The following PLXDC2 variants were observed in gnomAD, a reference collection of about 807,000 sequenced individuals.
PLXDC2 encodes plexin domain-containing protein 2.
In PLXDC2, 40 loss-of-function variants were observed where a neutral mutation model predicts 68.9. The ratio of observed to expected loss-of-function variants is 0.58; its 90% CI spans 0.45 to 0.76. The LOEUF is 0.76. Among genes scored for constraint, PLXDC2 ranks in the 30% least tolerant of loss-of-function variants. The pLI, the probability that PLXDC2 is intolerant of heterozygous loss-of-function variation, is 0.00. For missense variants in PLXDC2, 644 were observed against 661.9 expected (o/e 0.97, Z 0.30); for synonymous variants, 243 against 234.2 (o/e 1.04, Z -0.34).
At chr10:19,852,027 T>C (rs564495023) in intron 1 of PLXDC2, among the ~76,000 whole-genome samples, 1 of 152,120 alleles carries the variant, frequency 6.6e-6, no homozygotes, top group African/African-American at 2.4e-5. Context: ...CAAAGTGTGG[T>C]CCATAGCAAC....
chr10:19,998,262 T>G (rs1385377104), intron 1 of PLXDC2, among the ~76,000 whole-genome samples: 1 of 152,222 alleles, frequency 6.6e-6, no homozygotes, highest in Non-Finnish European at 1.5e-5. Flanking sequence ...TGAAAGTCTG[T>G]GAAATGCCTA....
At chr10:20,020,885 G>A (rs11599698) in intron 2 of PLXDC2, among the ~76,000 whole-genome samples, 34,063 of 152,016 alleles carry the variant, frequency 0.22, 4,733 homozygotes, top group Non-Finnish European at 0.33. Flanking sequence ...CTCTGACCCA[G>A]GTAAAAGAGG....
chr10:20,019,496 C>T (rs1160909095), intron 2 of PLXDC2, among the ~76,000 whole-genome samples: 1 of 152,126 alleles, frequency 6.6e-6, no homozygotes, highest in Non-Finnish European at 1.5e-5. Context: ...TATGTTGAAG[C>T]CCTAGCCCCC....
chr10:20,187,947 T>C lies in PLXDC2; in HGVS notation c.1061+10538T>C, dbSNP rs1219538000. On this transcript the variant is annotated intron_variant, in intron 9 of 13. Coordinates refer to ENST00000377252, the MANE Select transcript of PLXDC2 (RefSeq NM_032812.9). Reference sequence around the variant, plus strand: ...AAAAGTGTTCTCATTTACCATCATATCAGCCATTTCAATAGAAAACTGTTA... The same window carrying C: ...AAAAGTGTTCTCATTTACCATCATACCAGCCATTTCAATAGAAAACTGTTA... Among the ~76,000 whole-genome samples the C allele has an allele frequency of 2.6e-5, 4 of 151,806 alleles. No individual in the cohort carries two copies. The East Asian group carries it at 7.7e-4, about 29-fold the overall frequency.
chr10:20,025,628 T>C (rs115172118), intron 2 of PLXDC2, among the ~76,000 whole-genome samples: 27 of 152,254 alleles, frequency 1.8e-4, no homozygotes, highest in African/African-American at 6.3e-4. Flanking sequence ...TTGATGTGCA[T>C]TTCTCTGACG....
At chr10:20,153,083 C>T (rs573747525) in intron 6 of PLXDC2, among the ~76,000 whole-genome samples, 2 of 152,234 alleles carry the variant, frequency 1.3e-5, no homozygotes, top group African/African-American at 4.8e-5. Flanking sequence ...TCCTTAGTGC[C>T]CCTGAATGCA....
At chr10:20,018,318 A>G (rs1157467533) in intron 2 of PLXDC2, among the ~76,000 whole-genome samples, 8 of 129,502 alleles carry the variant, frequency 6.2e-5, no homozygotes, top group African/African-American at 2.3e-4. Context: ...AGTTGAAATC[A>G]GTAAGATATA....
chr10:20,160,791 C>T (rs1163866483), intron 6 of PLXDC2, among the ~76,000 whole-genome samples: 1 of 152,138 alleles, frequency 6.6e-6, no homozygotes, highest in African/African-American at 2.4e-5. Flanking sequence ...TCTACTGGAA[C>T]ATTCCAATCT....
chr10:20,006,883 G>A (rs191454191), intron 2 of PLXDC2, among the ~76,000 whole-genome samples: 47 of 152,292 alleles, frequency 3.1e-4, no homozygotes, highest in African/African-American at 9.4e-4. Flanking sequence ...GGCAAATGCC[G>A]CTATTGATCT....
chr10:20,117,490 A>G (rs1370834340), intron 4 of PLXDC2, among the ~76,000 whole-genome samples: 2 of 152,228 alleles, frequency 1.3e-5, no homozygotes, highest in African/African-American at 4.8e-5. Flanking sequence ...TCACACATTC[A>G]AGGCAGACAG....
At chr10:20,148,603 A>C (rs540098207) in intron 6 of PLXDC2, among the ~76,000 whole-genome samples, 19 of 152,316 alleles carry the variant, frequency 1.2e-4, no homozygotes, top group South Asian at 2.1e-4. Context: ...AAAGTAAGTA[A>C]GGCCTGTTGG....
rs372504677 is a variant in PLXDC2 at position 20,271,132 on chromosome 10, G to GACACACACACATACACAC, written c.1474-8560_1474-8559insTACACACACACACACACA. On this transcript the variant is annotated intron_variant, in intron 13 of 13. Transcript: ENST00000377252. ...AGGGGACCGTTTAAGACAAAAAACA[G>GACACACACACATACACAC]ACACACACACACACACACACACACA... Among the ~76,000 whole-genome samples the GACACACACACATACACAC allele has an allele frequency of 3.1e-3, 303 of 97,848 alleles. 2 individuals carry two copies. Among genetic ancestry groups the GACACACACACATACACAC allele is most frequent in the Middle Eastern group, 0.014 (2 of 142 alleles). The allele number at this position is 97,848 out of a possible 152,430, so 64.2% of individuals were successfully genotyped here. A position where few individuals can be genotyped will look rare whatever the true frequency, so the allele number is the denominator to read the frequency against.
intron 1 of PLXDC2, among the ~76,000 whole-genome samples, chr10:19,861,565 G>A (rs1312529642): frequency 6.6e-6 from 1 of 152,030 alleles, no homozygotes; most frequent in Non-Finnish European, 1.5e-5. Flanking sequence ...TCCATTCTCA[G>A]CTTCCCCTAA....
intron 1 of PLXDC2, among the ~76,000 whole-genome samples, chr10:19,872,970 A>G (rs1253734424): frequency 6.6e-6 from 1 of 152,138 alleles, no homozygotes; most frequent in East Asian, 1.9e-4. Flanking sequence ...TGCTGATTCA[A>G]ATGATTACAA....
intron 2 of PLXDC2, among the ~76,000 whole-genome samples, chr10:20,008,306 G>A (rs10827924): frequency 0.3 from 45,105 of 152,064 alleles, 6,803 homozygotes; most frequent in East Asian, 0.51. Flanking sequence ...TGTAATCCCA[G>A]CACTTTGGGA....
intron 9 of PLXDC2, among the ~76,000 whole-genome samples, chr10:20,184,970 G>A (rs934956025): frequency 2.0e-5 from 3 of 151,698 alleles, no homozygotes; most frequent in Non-Finnish European, 4.4e-5. Flanking sequence ...GACACAGGGA[G>A]GGGAACATCA....
chr10:20,005,257 G>T (rs987708138), intron 2 of PLXDC2, among the ~76,000 whole-genome samples: 1 of 152,124 alleles, frequency 6.6e-6, no homozygotes, highest in Non-Finnish European at 1.5e-5. Context: ...GGGTAATTGT[G>T]GGGTTTCAGT....
At chr10:20,126,021 T>C (rs1833769575) in intron 4 of PLXDC2, among the ~76,000 whole-genome samples, 1 of 148,424 alleles carries the variant, frequency 6.7e-6, no homozygotes, top group African/African-American at 2.4e-5. Flanking sequence ...ACACTACATA[T>C]ATACACACAT....
chr10:19,944,688 C>T (rs562703936), intron 1 of PLXDC2, among the ~76,000 whole-genome samples: 31 of 152,224 alleles, frequency 2.0e-4, no homozygotes, highest in African/African-American at 6.5e-4. Context: ...TGGTGGCTCA[C>T]GCCTGTAATC....
Sources: gnomAD v4.1 joint callset for allele counts (sites outside exome capture counted in the v4.1 genomes callset) on GRCh38, gnomAD v4.1.1 for gene constraint, MANE v1.5 for transcripts, NCBI Gene and HGNC (gene_info 2026-07-23, HGNC 2026-07-21) for gene names.